Variants in SLC16A12 observed in about 807,000 individuals in gnomAD.
SLC16A12 encodes monocarboxylate transporter 12.
A neutral mutation model predicts 42.4 loss-of-function variants in SLC16A12; 17 were observed. The observed-to-expected ratio is 0.40, with a 90% confidence interval of 0.27 to 0.60. The LOEUF (loss-of-function observed/expected upper bound fraction) is 0.60. Among genes scored for constraint, SLC16A12 ranks in the 20% least tolerant of loss-of-function variants. The pLI is 0.42. For missense variants in SLC16A12, 544 were observed against 623.0 expected, an observed-to-expected ratio of 0.87 and a Z score of 1.35; for synonymous variants, 224 against 229.4, an observed-to-expected ratio of 0.98 and a Z score of 0.21.
At chr10:89,540,433 C>T (rs1266623026), upstream of SLC16A12, among the ~76,000 whole-genome samples, 2 of 152,014 alleles carry the variant, frequency 1.3e-5, no homozygotes, top group Non-Finnish European at 2.9e-5. Context: ...TTTTTTGTTC[C>T]TCTTTCACCA....
At chr10:89,509,701 C>T in intron 2 of SLC16A12, among the ~76,000 whole-genome samples, 1 of 152,210 alleles carries the variant, frequency 6.6e-6, no homozygotes, top group Non-Finnish European at 1.5e-5. Context: ...TGCCCTCTCT[C>T]ACCACTCCTT....
In SLC16A12 at chr10:89,430,869, T is replaced by C; in HGVS notation, c.*2195A>G. On this transcript the variant is annotated 3_prime_UTR_variant, in exon 8 of 8. Transcript: ENST00000371790. ...TTGTGATCATGATAAAAAATATGTA[T>C]AAGAATATTTGTAACTATTCATATT... is the stretch of plus-strand genomic sequence containing the variant. The C allele has an allele frequency of 8.2e-6, 3 of 367,978 alleles. No homozygotes were observed. Among genetic ancestry groups the C allele is most frequent in the Non-Finnish European group, 1.6e-5 (3 of 191,272 alleles). The allele number at this position is 367,978 out of a possible 1,614,324, so 22.8% of individuals were successfully genotyped here.
At chr10:89,454,018 C>T (rs895116987) in intron 3 of SLC16A12, among the ~76,000 whole-genome samples, 6 of 151,968 alleles carry the variant, frequency 3.9e-5, no homozygotes, top group Admixed American at 2.6e-4. Flanking sequence ...CTCCCTCCCT[C>T]GCTCCCTCCC....
At chr10:89,467,260 C>G (rs1367287511) in intron 2 of SLC16A12, among the ~76,000 whole-genome samples, 2 of 152,180 alleles carry the variant, frequency 1.3e-5, no homozygotes, top group African/African-American at 4.8e-5. Context: ...TGAAAGAATA[C>G]TGAAACAGCC....
intron 2 of SLC16A12, among the ~76,000 whole-genome samples, chr10:89,505,950 T>C (rs1843054048): frequency 6.6e-6 from 1 of 152,130 alleles, no homozygotes; most frequent in Non-Finnish European, 1.5e-5. Context: ...ATGCTCACAG[T>C]GTAAACAAAG....
intron 2 of SLC16A12, among the ~76,000 whole-genome samples, chr10:89,473,914 C>T (rs906581608): frequency 6.6e-6 from 1 of 152,178 alleles, no homozygotes; most frequent in South Asian, 2.1e-4. Context: ...GCAGAAGCCA[C>T]GTTCAGCCCA....
At chr10:89,448,964 C>A (rs989846265) in intron 3 of SLC16A12, among the ~76,000 whole-genome samples, 6 of 152,122 alleles carry the variant, frequency 3.9e-5, no homozygotes, top group Non-Finnish European at 5.9e-5. Flanking sequence ...ACACTAATAA[C>A]AGACAAACAG....
intron 2 of SLC16A12, among the ~76,000 whole-genome samples, chr10:89,478,455 A>T (rs1044533801): frequency 2.6e-5 from 4 of 152,210 alleles, no homozygotes; most frequent in Admixed American, 2.6e-4. Flanking sequence ...TGTGATCCGT[A>T]AGCTTGCCTT....
chr10:89,554,072 GAAAGAAAGAAAGAAAGAAAGAAA>G (rs1843789300), intron 2 of SLC16A12, among the ~76,000 whole-genome samples: 35 of 111,036 alleles, frequency 3.2e-4, no homozygotes, highest in South Asian at 6.7e-4. Flanking sequence ...AAGAAAGAAA[GAAAGAAAGAAAGAAAGAAAGAAA>G]GAAAGAAGGA....
At chr10:89,491,634 G>A (rs1237313260) in intron 2 of SLC16A12, among the ~76,000 whole-genome samples, 1 of 152,114 alleles carries the variant, frequency 6.6e-6, no homozygotes, top group Non-Finnish European at 1.5e-5. Context: ...CTGCCTGGGG[G>A]AGGAGGTAAG....
At chr10:89,537,094 T>C (rs1843673650), upstream of SLC16A12, among the ~76,000 whole-genome samples, 1 of 151,718 alleles carries the variant, frequency 6.6e-6, no homozygotes, top group Non-Finnish European at 1.5e-5. Flanking sequence ...GACAAAGAGT[T>C]ACTGATGAAC....
intron 2 of SLC16A12, among the ~76,000 whole-genome samples, chr10:89,530,734 T>C (rs1485185773): frequency 6.6e-6 from 1 of 152,110 alleles, no homozygotes; most frequent in African/African-American, 2.4e-5. Context: ...TTTTCATATA[T>C]TTACAATGTT....
chr10:89,448,636 C>G (rs1202846787), intron 3 of SLC16A12, among the ~76,000 whole-genome samples: 1 of 152,010 alleles, frequency 6.6e-6, no homozygotes, highest in Non-Finnish European at 1.5e-5. Flanking sequence ...TATGATAAAC[C>G]CACAGCCAAT....
chr10:89,430,638 T>G lies in SLC16A12; in HGVS notation c.*2426A>C. On this transcript the variant is annotated 3_prime_UTR_variant, in exon 8 of 8. Coordinates refer to ENST00000371790, the MANE Select transcript of SLC16A12 (RefSeq NM_213606.4). ...GTGTAGAAATGTAAAATAGTAGACCTTAAGATGTACATTTTTCTTACTGAT... is the reference window on the plus strand; with the variant it reads ...GTGTAGAAATGTAAAATAGTAGACCGTAAGATGTACATTTTTCTTACTGAT... 2.1e-6 allele frequency: 1 copy of G among 467,920 alleles called. No individual in the cohort carries two copies. The highest frequency in any genetic ancestry group is 1.6e-5 in the South Asian group (1 of 63,368). The allele number at this position is 467,920 out of a possible 1,614,324, so 29.0% of individuals were successfully genotyped here. A position where few individuals can be genotyped will look rare whatever the true frequency, so the allele number is the denominator to read the frequency against.
At chr10:89,497,102 A>C (rs1842930975) in intron 2 of SLC16A12, among the ~76,000 whole-genome samples, 1 of 152,234 alleles carries the variant, frequency 6.6e-6, no homozygotes, top group Admixed American at 6.5e-5. Flanking sequence ...TTCGTTCATC[A>C]GTTGTAATAT....
intron 2 of SLC16A12, among the ~76,000 whole-genome samples, chr10:89,479,301 T>A (rs1358259377): frequency 1.3e-5 from 2 of 152,178 alleles, no homozygotes; most frequent in African/African-American, 2.4e-5. Context: ...CCTCACACTC[T>A]TTCTCTTTTT....
intron 2 of SLC16A12, among the ~76,000 whole-genome samples, chr10:89,470,826 A>G (rs1000296273): frequency 6.6e-6 from 1 of 152,190 alleles, no homozygotes; most frequent in Non-Finnish European, 1.5e-5. Flanking sequence ...ATGCCCAGTA[A>G]CCAATACTAG....
chr10:89,446,187 G>A (rs1388960562), intron 3 of SLC16A12, among the ~76,000 whole-genome samples: 4 of 152,126 alleles, frequency 2.6e-5, no homozygotes, highest in African/African-American at 7.2e-5. Context: ...CACTCTTCAG[G>A]ATATTATCCA....
At chr10:89,450,705 A>G (rs1203581945) in intron 3 of SLC16A12, among the ~76,000 whole-genome samples, 1 of 152,224 alleles carries the variant, frequency 6.6e-6, no homozygotes, top group East Asian at 1.9e-4. Flanking sequence ...ATGTATACAT[A>G]TGTAACAAAC....
Sources: gnomAD v4.1 joint callset for allele counts (sites outside exome capture counted in the v4.1 genomes callset) on GRCh38, gnomAD v4.1.1 for gene constraint, MANE v1.5 for transcripts, NCBI Gene and HGNC (gene_info 2026-07-23, HGNC 2026-07-21) for gene names.